The following SLC39A12 variants were observed in gnomAD, a reference collection of about 807,000 sequenced individuals.
SLC39A12 encodes the protein solute carrier family 39 member 12, also known as zinc transporter ZIP12.
In SLC39A12, 63 loss-of-function variants were observed where a neutral mutation model predicts 71.1. The observed-to-expected ratio is 0.89, with a 90% CI of 0.72 to 1.09. The LOEUF (loss-of-function observed/expected upper bound fraction) is 1.09. SLC39A12 is among the 50% of genes least tolerant of loss of function. The pLI is 0.00. For synonymous variants in SLC39A12, 351 were observed against 301.3 expected (o/e 1.16, Z -1.71); for missense variants, 892 against 812.6 (o/e 1.10, Z -1.19).
intron 12 of SLC39A12, among the ~76,000 whole-genome samples, chr10:18,034,094 G>A (rs1020406526): frequency 1.3e-5 from 2 of 151,706 alleles, no homozygotes; most frequent in Non-Finnish European, 2.9e-5. Context: ...TTTGGAATAG[G>A]TGTGGTGTGG....
intron 6 of SLC39A12, among the ~76,000 whole-genome samples, chr10:17,985,454 T>G (rs1835375241): frequency 6.6e-6 from 1 of 152,084 alleles, no homozygotes; most frequent in African/African-American, 2.4e-5. Context: ...AGGATAGTTT[T>G]TTTTTTTCAA....
At chr10:18,022,809 A>G (rs1350713023) in intron 12 of SLC39A12, among the ~76,000 whole-genome samples, 1 of 152,060 alleles carries the variant, frequency 6.6e-6, no homozygotes, top group Non-Finnish European at 1.5e-5. Context: ...GGTTAGCTTC[A>G]TTTCTGGATG....
intron 1 of SLC39A12, among the ~76,000 whole-genome samples, chr10:17,952,401 TA>T (rs1397681585): frequency 4.6e-5 from 7 of 151,532 alleles, no homozygotes; most frequent in Non-Finnish European, 1.0e-4. Context: ...CTTAGTAAAC[TA>T]AAAAAAAGAC....
intron 6 of SLC39A12, among the ~76,000 whole-genome samples, chr10:17,984,235 A>T (rs1835346040): frequency 6.6e-6 from 1 of 152,242 alleles, no homozygotes; most frequent in Non-Finnish European, 1.5e-5. Flanking sequence ...TATGGTTTTG[A>T]GGCTGTCGTT....
chr10:18,004,801 A>G (rs368369555), intron 12 of SLC39A12, among the ~76,000 whole-genome samples: 41 of 152,306 alleles, frequency 2.7e-4, no homozygotes, highest in African/African-American at 8.7e-4. Context: ...ACTATACACA[A>G]TAGCAAAGAC....
chr10:18,008,990 C>A lies in SLC39A12; in HGVS notation c.1947+5632C>A, dbSNP rs749850820. Reference sequence around the variant, plus strand: ...GAAAAAAAAGCCCTCAAAGTATTGTCTTTTTCCAGCGTTTGGATAAGAGAG... The same window carrying A: ...GAAAAAAAAGCCCTCAAAGTATTGTATTTTTCCAGCGTTTGGATAAGAGAG... On this transcript the variant is annotated intron_variant, in intron 12 of 12. Transcript: ENST00000377369. Among the ~76,000 whole-genome samples, 16 of 152,096 alleles carry A rather than the reference C, an allele frequency of 1.1e-4. No homozygotes were observed. In the Middle Eastern group the frequency reaches 0.01, roughly 97 times the overall value.
intron 7 of SLC39A12, among the ~76,000 whole-genome samples, chr10:17,989,930 A>G (rs1835500356): frequency 6.6e-6 from 1 of 151,824 alleles, no homozygotes; most frequent in Non-Finnish European, 1.5e-5. Flanking sequence ...AAAAGAGACG[A>G]GGACGAAAGT....
At chr10:17,987,349 A>G in intron 6 of SLC39A12, 130 bp from the exon 7 acceptor site, 3 of 764,498 alleles carry the variant, frequency 3.9e-6, no homozygotes, top group Non-Finnish European at 6.4e-6. Context: ...TAAAAACAAA[A>G]CACTTATTTA....
At chr10:17,952,929 C>G (rs992753741) in intron 1 of SLC39A12, among the ~76,000 whole-genome samples, 1 of 152,148 alleles carries the variant, frequency 6.6e-6, no homozygotes, top group Admixed American at 6.5e-5. Flanking sequence ...ACTTGTACCA[C>G]CTGTTGGTAA....
chr10:18,013,068 A>G (rs894537685), intron 12 of SLC39A12, among the ~76,000 whole-genome samples: 1 of 151,928 alleles, frequency 6.6e-6, no homozygotes, highest in Non-Finnish European at 1.5e-5. Context: ...ATTATCACAT[A>G]GGTTCTTAGA....
intron 12 of SLC39A12, among the ~76,000 whole-genome samples, chr10:18,016,370 A>T (rs1564658159): frequency 6.6e-6 from 1 of 152,088 alleles, no homozygotes; most frequent in Non-Finnish European, 1.5e-5. Context: ...TTACAGTTCG[A>T]TAGTTCATTT....
chr10:18,009,209 G>A (rs1836128470), intron 12 of SLC39A12, among the ~76,000 whole-genome samples: 1 of 152,056 alleles, frequency 6.6e-6, no homozygotes, highest in South Asian at 2.1e-4. Flanking sequence ...GAAACCTCAA[G>A]GGGCTATCAC....
intron 4 of SLC39A12, among the ~76,000 whole-genome samples, chr10:17,967,015 A>T (rs889372926): frequency 2.0e-5 from 3 of 152,056 alleles, no homozygotes; most frequent in East Asian, 1.9e-4. Context: ...TTCATAATTT[A>T]AAAAAATTAT....
At chr10:18,042,647 C>G in intron 12 of SLC39A12, 58 bp from the exon 13 acceptor site, 4 of 1,527,854 alleles carry the variant, frequency 2.6e-6, no homozygotes, top group East Asian at 2.4e-5. Context: ...TCCCACCAAG[C>G]TTTTCCCAGC....
At chr10:17,971,934 T>C (rs1834985110) in intron 4 of SLC39A12, among the ~76,000 whole-genome samples, 1 of 152,204 alleles carries the variant, frequency 6.6e-6, no homozygotes, top group Non-Finnish European at 1.5e-5. Flanking sequence ...GATTGTTAAT[T>C]TGAAATCTCC....
chr10:17,984,172 T>C (rs1835344257), intron 6 of SLC39A12, among the ~76,000 whole-genome samples: 1 of 152,224 alleles, frequency 6.6e-6, no homozygotes, highest in South Asian at 2.1e-4. Context: ...ATGGCACTTA[T>C]GCAGGGACCT....
chr10:18,033,054 G>A (rs1256109772), intron 12 of SLC39A12, among the ~76,000 whole-genome samples: 2 of 151,320 alleles, frequency 1.3e-5, no homozygotes, highest in African/African-American at 2.4e-5. Context: ...CGGTTTGCCA[G>A]TATTTTATTG....
intron 7 of SLC39A12, among the ~76,000 whole-genome samples, chr10:17,988,098 A>G (rs1180675760): frequency 6.6e-6 from 1 of 152,198 alleles, no homozygotes; most frequent in Non-Finnish European, 1.5e-5. Flanking sequence ...ACTTGAGATC[A>G]GGAGTTCGAG....
chr10:17,975,728 CA>C (rs1159065191), intron 4 of SLC39A12, among the ~76,000 whole-genome samples: 16 of 152,150 alleles, frequency 1.1e-4, no homozygotes, highest in Middle Eastern at 3.2e-3. Flanking sequence ...TCCAGTACAG[CA>C]CTAGGACTCA....
Sources: allele counts gnomAD v4.1 joint callset (sites outside exome capture counted in the v4.1 genomes callset), GRCh38; gene constraint gnomAD v4.1.1; transcripts MANE v1.5; gene names NCBI Gene and HGNC (gene_info 2026-07-23, HGNC 2026-07-21).